DNAJC5: variants seen among roughly 807,000 people sequenced by gnomAD.
The protein encoded by DNAJC5 is dnaJ homolog subfamily C member 5.
In DNAJC5, 1 loss-of-function variant was observed where a neutral mutation model predicts 23.2. That is an observed-to-expected ratio of 0.04 (90% CI 0.02 to 0.20). The LOEUF is 0.20. Among genes scored for constraint, DNAJC5 ranks in the 10% least tolerant of loss-of-function variants. The probability of loss-of-function intolerance (pLI) is 1.00; values close to 1 mark genes in which losing one functional copy is unlikely to be tolerated. For missense variants in DNAJC5, 180 were observed against 267.0 expected, an observed-to-expected ratio of 0.67 and a Z score of 2.27; for synonymous variants, 136 against 120.0, an observed-to-expected ratio of 1.13 and a Z score of -0.87.
chr20:63,910,004 G>A (rs571093582), intron 1 of DNAJC5, among the ~76,000 whole-genome samples: 3 of 152,316 alleles, frequency 2.0e-5, no homozygotes, highest in South Asian at 2.1e-4. Context: ...TTGTAGTAAC[G>A]ATTCTGCTTT....
intron 1 of DNAJC5, among the ~76,000 whole-genome samples, chr20:63,898,290 A>G (rs1342309130): frequency 2.0e-5 from 3 of 152,140 alleles, no homozygotes; most frequent in African/African-American, 7.2e-5. Flanking sequence ...GATAAGGTAG[A>G]ATTTTATCTG....
chr20:63,920,402 C>G lies in DNAJC5; in HGVS notation c.-11-7933C>G, dbSNP rs1440132979. On this transcript the variant is annotated intron_variant, in intron 1 of 4. Coordinates refer to ENST00000360864, the MANE Select transcript of DNAJC5 (RefSeq NM_025219.3). This position sits in a 1 kb window ranked among gnomAD's most constrained non-coding sequence, Gnocchi z 4.6. ...GGAAGGGGCTGGCGTCAGCAGGGCT[C>G]TCGTCCGCCAACGTCTGGTGGGGAT... Among the ~76,000 whole-genome samples the G allele has an allele frequency of 6.6e-6, 1 of 151,238 alleles. No individual in the cohort carries two copies. The highest frequency in any genetic ancestry group is 1.5e-5 in the Non-Finnish European group (1 of 67,976).
chr20:63,897,610 A>G lies in DNAJC5; in HGVS notation c.-12+2287A>G, dbSNP rs569146779. ...TAAAAAGTCAGATCTGCCAGTGGTA[A>G]TAATGCTTTTAGAAATTTTGTCTTT... On this transcript the variant is annotated intron_variant, in intron 1 of 4. Transcript: ENST00000360864. Among the ~76,000 whole-genome samples, 8 of 152,304 alleles carry G rather than the reference A, an allele frequency of 5.3e-5. No individual in the cohort carries two copies. The South Asian group carries it at 1.7e-3, about 32-fold the overall frequency.
intron 1 of DNAJC5, among the ~76,000 whole-genome samples, chr20:63,898,384 C>T (rs1051218631): frequency 7.9e-5 from 12 of 152,188 alleles, no homozygotes; most frequent in African/African-American, 2.9e-4. Flanking sequence ...TAAACTGTAA[C>T]AGCAAATGAA....
chr20:63,907,631 G>A (rs539878823), intron 1 of DNAJC5, among the ~76,000 whole-genome samples: 176 of 152,286 alleles, frequency 1.2e-3, no homozygotes, highest in African/African-American at 4.1e-3. Flanking sequence ...TGGCAGGCAC[G>A]TGGTAAGTGT....
Position 63,904,953 on chromosome 20 carries a change from G to A in DNAJC5, c.-12+9630G>A, listed in dbSNP as rs188581034. Among the ~76,000 whole-genome samples the A allele has an allele frequency of 8.4e-3, 1,241 of 148,216 alleles. 8 individuals carry two copies. The highest frequency in any genetic ancestry group is 9.4e-3 in the Non-Finnish European group (631 of 67,024). Reference sequence around the variant, plus strand: ...AGAGTAGCTGGGATTACAGGTGCCCGCCACCACGCCCGGCTAATTTTTGTA... The same window carrying A: ...AGAGTAGCTGGGATTACAGGTGCCCACCACCACGCCCGGCTAATTTTTGTA... On this transcript the variant is annotated intron_variant, in intron 1 of 4. Coordinates refer to ENST00000360864, the MANE Select transcript of DNAJC5 (RefSeq NM_025219.3).
chr20:63,895,659 C>T (rs112892590), intron 1 of DNAJC5, among the ~76,000 whole-genome samples: 3,058 of 151,836 alleles, frequency 0.02, 34 homozygotes, highest in Middle Eastern at 0.052. Context: ...GCGGCCGCCC[C>T]CAACCCCCCG....
At position 63,934,367 on chromosome 20, in the gene DNAJC5, ACT is replaced by A. The variant is rs1222961862; in HGVS notation, c.*2803_*2804del. The A allele has an allele frequency of 1.3e-5, 2 of 152,126 alleles. No homozygotes were observed. Among genetic ancestry groups the A allele is most frequent in the Non-Finnish European group, 2.9e-5 (2 of 68,048 alleles). 9.4% of individuals were successfully genotyped at this position (152,126 alleles called of 1,614,324 possible). On this transcript the variant is annotated 3_prime_UTR_variant, in exon 5 of 5. Transcript: ENST00000360864. ...GGCAGTGACGGGACCCCGACTCCTC[ACT>A]CTCGGGCCGCAGACAATGCTGTGAG...
intron 1 of DNAJC5, among the ~76,000 whole-genome samples, chr20:63,906,612 G>A (rs1419925673): frequency 6.6e-6 from 1 of 151,680 alleles, no homozygotes; most frequent in Non-Finnish European, 1.5e-5. Context: ...ATGAAACCCC[G>A]TCTCTACTAA....
Position 63,930,931 on chromosome 20 carries a change from G to A in DNAJC5, c.402G>A (p.Gly134=). 1 of 1,614,176 alleles carries A rather than the reference G, an allele frequency of 6.2e-7. No homozygotes were observed. Among genetic ancestry groups the A allele is most frequent in the Non-Finnish European group, 8.5e-7 (1 of 1,180,046 alleles). The change falls in exon 4 of 5, where the codon GGG becomes GGA. Residue 134 remains glycine, a synonymous_variant. Transcript: ENST00000360864. Reference sequence around the variant, plus strand: ...GCTGCTGCTTCAACTGCTGCTGCGGGAAGTGTAAGCCCAAGGCGCCTGAAG... The same window carrying A: ...GCTGCTGCTTCAACTGCTGCTGCGGAAAGTGTAAGCCCAAGGCGCCTGAAG... ...CLCCCFNCCC[G]KCKPKAPEGE...
chr20:63,927,537 C>CG (rs1216384421), intron 1 of DNAJC5, among the ~76,000 whole-genome samples: 1 of 146,102 alleles, frequency 6.8e-6, no homozygotes, highest in Admixed American at 6.9e-5. Flanking sequence ...CAAAACTGTC[C>CG]CCCCCCCCAA....
intron 1 of DNAJC5, among the ~76,000 whole-genome samples, chr20:63,916,689 C>T (rs991788149): frequency 6.6e-5 from 10 of 152,124 alleles, no homozygotes; most frequent in Non-Finnish European, 1.5e-4. Flanking sequence ...CCTGAGGGTA[C>T]TGCAGGAGAC....
intron 1 of DNAJC5, among the ~76,000 whole-genome samples, chr20:63,899,880 CTTTT>C (rs1206952926): frequency 5.2e-5 from 6 of 114,798 alleles, no homozygotes; most frequent in African/African-American, 1.3e-4. Context: ...TGCGCCTGGG[CTTTT>C]TTTTTTTTTT....
intron 3 of DNAJC5, among the ~76,000 whole-genome samples, chr20:63,930,251 T>G (rs2053656461): frequency 6.6e-6 from 1 of 152,174 alleles, no homozygotes; most frequent in Non-Finnish European, 1.5e-5. Flanking sequence ...AGATCCTGGC[T>G]CACTTTAACT....
intron 1 of DNAJC5, among the ~76,000 whole-genome samples, chr20:63,899,637 G>A (rs1401763602): frequency 1.3e-4 from 20 of 151,842 alleles, no homozygotes; most frequent in Non-Finnish European, 2.1e-4. Flanking sequence ...GCTGGAGTGC[G>A]GTGGCGTGAC....
At chr20:63,918,872 G>C (rs934800429) in intron 1 of DNAJC5, among the ~76,000 whole-genome samples, 3 of 152,236 alleles carry the variant, frequency 2.0e-5, no homozygotes, top group Non-Finnish European at 4.4e-5. Context: ...GGGATTACAG[G>C]CGTGAGCCAC....
In DNAJC5 at chr20:63,928,568, T is replaced by C. The variant is rs765477195; in HGVS notation, c.107+116T>C. On this transcript the variant is annotated intron_variant, in intron 2 of 4. Transcript: ENST00000360864. This position sits in a 1 kb window ranked among gnomAD's most constrained non-coding sequence, Gnocchi z 4.6. ...ATACTTTATCCTGGCCGACTCAGCG[T>C]TGAACTGGTCACAGCTCGGTAACAC... 46 of 844,496 alleles carry C rather than the reference T, an allele frequency of 5.4e-5. No homozygotes were observed. The highest frequency in any genetic ancestry group is 4.1e-4 in the Admixed American group (21 of 50,858). The allele number at this position is 844,496 out of a possible 1,614,324, so 52.3% of individuals were successfully genotyped here. A position where few individuals can be genotyped will look rare whatever the true frequency, so the allele number is the denominator to read the frequency against.
intron 1 of DNAJC5, among the ~76,000 whole-genome samples, chr20:63,897,494 A>T (rs2053382785): frequency 6.6e-6 from 1 of 152,148 alleles, no homozygotes; most frequent in Admixed American, 6.6e-5. Context: ...TGAACCTGGG[A>T]GGTGGAGGTT....
At chr20:63,907,063 T>G (rs2053452824) in intron 1 of DNAJC5, among the ~76,000 whole-genome samples, 1 of 152,174 alleles carries the variant, frequency 6.6e-6, no homozygotes, top group South Asian at 2.1e-4. Context: ...CACTCCTACC[T>G]GGGTGATATA....
Sources: gnomAD v4.1 joint callset for allele counts (sites outside exome capture counted in the v4.1 genomes callset) on GRCh38, gnomAD v4.1.1 for gene constraint, Gnocchi (gnomAD v3.1) non-coding constraint, MANE v1.5 for transcripts, NCBI Gene and HGNC (gene_info 2026-07-23, HGNC 2026-07-21) for gene names.